SCN2B: variants seen among roughly 807,000 people sequenced by gnomAD.
SCN2B encodes sodium channel regulatory subunit beta-2.
A neutral mutation model predicts 18.2 loss-of-function variants in SCN2B; 14 were observed. That is an observed-to-expected ratio of 0.77 (90% CI 0.51 to 1.21). SCN2B has a LOEUF of 1.21. Among genes scored for constraint, SCN2B ranks in the 50% most tolerant of loss-of-function variants. The pLI, the probability that SCN2B is intolerant of heterozygous loss-of-function variation, is 0.00. For missense variants in SCN2B, 262 were observed against 286.9 expected (o/e 0.91, Z 0.63); for synonymous variants, 115 against 115.3 (o/e 1.00, Z 0.02).
At chr11:118,173,791 T>A (rs1221305682) in intron 1 of SCN2B, among the ~76,000 whole-genome samples, 2 of 152,092 alleles carry the variant, frequency 1.3e-5, no homozygotes, top group Non-Finnish European at 2.9e-5. Flanking sequence ...TGTGGCAGAG[T>A]GGGGACTCAA....
chr11:118,175,853 A>C (rs557769902), intron 1 of SCN2B, among the ~76,000 whole-genome samples: 1 of 152,060 alleles, frequency 6.6e-6, no homozygotes, highest in East Asian at 1.9e-4. Context: ...ACTCCCACAC[A>C]CGTTCCAACA....
chr11:118,176,114 T>C (rs1198205648), intron 1 of SCN2B, among the ~76,000 whole-genome samples: 1 of 152,122 alleles, frequency 6.6e-6, no homozygotes, highest in African/African-American at 2.4e-5. Flanking sequence ...CCAGAGAAGA[T>C]TCACCTCCCT....
At chr11:118,175,539 T>A (rs1440761860) in intron 1 of SCN2B, among the ~76,000 whole-genome samples, 1 of 152,206 alleles carries the variant, frequency 6.6e-6, no homozygotes, top group Non-Finnish European at 1.5e-5. Flanking sequence ...GGAGCAAGAA[T>A]GAAACTCTAC....
rs1948345643 is a variant in SCN2B at position 118,163,123 on chromosome 11, T to C, written c.*3764A>G. On this transcript the variant is annotated 3_prime_UTR_variant, in exon 4 of 4. Transcript: ENST00000278947. ...CACACACACAGTGTAACTTTTGGGG[T>C]GGGTGTGGTGAGATGTTTGATATTT... 1 of 152,432 alleles carries C rather than the reference T, an allele frequency of 6.6e-6. No homozygotes were observed. 9.4% of individuals were successfully genotyped at this position (152,432 alleles called of 1,614,324 possible).
In SCN2B at chr11:118,168,011, G is replaced by A. The variant is rs1223854085; in HGVS notation, c.448+74C>T. 5.4e-6 allele frequency: 7 copies of A among 1,301,168 alleles called. No individual in the cohort carries two copies. In the Admixed American group the frequency reaches 1.2e-4, roughly 21 times the overall value. The allele number at this position is 1,301,168 out of a possible 1,614,324, so 80.6% of individuals were successfully genotyped here. A position where few individuals can be genotyped will look rare whatever the true frequency, so the allele number is the denominator to read the frequency against. On this transcript the variant is annotated intron_variant, in intron 3 of 3. Coordinates refer to ENST00000278947, the MANE Select transcript of SCN2B (RefSeq NM_004588.5). This position sits in a 1 kb window ranked among gnomAD's most constrained non-coding sequence, Gnocchi z 4.7. ...CAGGAGGGCCTGGCCTCCCCAAAGT[G>A]CCCTGAGCAAATGCCGCAGAGAGTA...
chr11:118,167,181 T>C (rs1298197905), intron 3 of SCN2B, 95 bp from the exon 4 acceptor site: 6 of 1,310,312 alleles, frequency 4.6e-6, no homozygotes, highest in Non-Finnish European at 6.3e-6. Context: ...CATCCTGACT[T>C]TACTCTCCTC....
chr11:118,174,091 C>CTTTTGTTTTTTTTT lies in SCN2B; in HGVS notation c.70+2270_70+2271insAAAAAAAAACAAAA, dbSNP rs1555101438. The stretch of plus-strand genomic sequence containing the variant: ...ACCATGCCTGGCTTATTTTTCTTTT[C>CTTTTGTTTTTTTTT]TTTTTTTTTTTTTTTTTTTTTTTTT... On this transcript the variant is annotated intron_variant, in intron 1 of 3. Coordinates refer to ENST00000278947, the MANE Select transcript of SCN2B (RefSeq NM_004588.5). 1.3e-3 allele frequency among the ~76,000 whole-genome samples: 86 copies of CTTTTGTTTTTTTTT among 66,660 alleles called. 11 individuals are homozygous for CTTTTGTTTTTTTTT. Among genetic ancestry groups the CTTTTGTTTTTTTTT allele is most frequent in the East Asian group, 4.5e-3 (9 of 2,020 alleles). The allele number at this position is 66,660 out of a possible 152,430, so 43.7% of individuals were successfully genotyped here. A position where few individuals can be genotyped will look rare whatever the true frequency, so the allele number is the denominator to read the frequency against.
At chr11:118,171,582 G>GC (rs894969604) in intron 1 of SCN2B, among the ~76,000 whole-genome samples, 9 of 152,208 alleles carry the variant, frequency 5.9e-5, no homozygotes, top group Non-Finnish European at 2.9e-5. Context: ...GCGGGCCTCT[G>GC]CCCCCCACCA....
In SCN2B at chr11:118,168,124, G is replaced by C; in HGVS notation, c.409C>G (p.Arg137Gly). 1.2e-6 allele frequency: 2 copies of C among 1,614,114 alleles called. No homozygotes were observed. Among genetic ancestry groups the C allele is most frequent in the Non-Finnish European group, 1.7e-6 (2 of 1,180,018 alleles). ...CYIMNPPDRH[R>G]GHGKIHLQVL... The stretch of plus-strand genomic sequence containing the variant: ...TGCAGATGGATCTTGCCATGGCCAC[G>C]GTGGCGGTCAGGGGGGTTCATGATG... Residue 137 changes from arginine (R) to glycine (G), a missense_variant, in exon 3 of 4, where the codon CGT (arginine) becomes GGT (glycine). Physicochemically the swap from Arg to Gly is moderately radical, Grantham distance 125. Coordinates refer to ENST00000278947, the MANE Select transcript of SCN2B (RefSeq NM_004588.5). This position sits in a 1 kb window ranked among gnomAD's most constrained non-coding sequence, Gnocchi z 4.7.
Position 118,166,483 on chromosome 11 carries a change from G to A in SCN2B, c.*404C>T, listed in dbSNP as rs1441383243. The stretch of plus-strand genomic sequence containing the variant: ...CTCCTGAGGGAGCGCTGTCAGCACA[G>A]GAAAGCCCTCCCTCCCCACCAGGTC... On this transcript the variant is annotated 3_prime_UTR_variant, in exon 4 of 4. Transcript: ENST00000278947. 34 of 308,288 alleles carry A rather than the reference G, an allele frequency of 1.1e-4. No individual in the cohort carries two copies. The highest frequency in any genetic ancestry group is 6.3e-6 in the Non-Finnish European group (1 of 158,162). The allele number at this position is 308,288 out of a possible 1,614,324, so 19.1% of individuals were successfully genotyped here.
At chr11:118,171,695 C>T (rs886544008) in intron 1 of SCN2B, among the ~76,000 whole-genome samples, 1 of 152,224 alleles carries the variant, frequency 6.6e-6, no homozygotes, top group South Asian at 2.1e-4. Flanking sequence ...GCGGGGGCGC[C>T]TTTTCTGGCC....
chr11:118,175,232 G>C (rs935134019), intron 1 of SCN2B, among the ~76,000 whole-genome samples: 3 of 152,196 alleles, frequency 2.0e-5, no homozygotes, highest in Non-Finnish European at 4.4e-5. Flanking sequence ...ACCCGGGAGG[G>C]AACTGAAGCT....
rs754072592 is a variant in SCN2B, at chr11:118,166,794, C to A, written c.*93G>T. The A allele has an allele frequency of 3.3e-6, 5 of 1,525,292 alleles. No homozygotes were observed. The East Asian group carries it at 1.1e-4, about 34-fold the overall frequency. The allele number at this position is 1,525,292 out of a possible 1,614,324, so 94.5% of individuals were successfully genotyped here. On this transcript the variant is annotated 3_prime_UTR_variant, in exon 4 of 4. Coordinates refer to ENST00000278947, the MANE Select transcript of SCN2B (RefSeq NM_004588.5). ...AGGTGGGCCCTGGGGTCCTAGGTCA[C>A]GGGAAGCACACCAAGAGCGAGCAGG... is the stretch of plus-strand genomic sequence containing the variant.
In SCN2B at chr11:118,168,080, T is replaced by C. The variant is rs1948399288; in HGVS notation, c.448+5A>G. 6.2e-7 allele frequency: 1 copy of C among 1,612,902 alleles called. No individual in the cohort carries two copies. Among genetic ancestry groups the C allele is most frequent in the Non-Finnish European group, 8.5e-7 (1 of 1,179,334 alleles). Reference sequence around the variant, plus strand: ...GGGCCCCGCAGCTGGCACCCCAGCCTTCACCTTCCATGAGGACCTGCAGAT... The same window carrying C: ...GGGCCCCGCAGCTGGCACCCCAGCCCTCACCTTCCATGAGGACCTGCAGAT... On this transcript the variant is annotated splice_donor_5th_base_variant and intron_variant, in intron 3 of 3. Coordinates refer to ENST00000278947, the MANE Select transcript of SCN2B (RefSeq NM_004588.5). The surrounding 1 kb of genome is among the most constrained non-coding windows in gnomAD (Gnocchi z 4.7).
At chr11:118,172,517 C>T (rs780501777) in intron 1 of SCN2B, among the ~76,000 whole-genome samples, 3 of 152,032 alleles carry the variant, frequency 2.0e-5, no homozygotes, top group African/African-American at 4.8e-5. Flanking sequence ...CAGGCAGGCC[C>T]GCCAGCAGGG....
At chr11:118,170,167 T>C (rs968856775) in intron 1 of SCN2B, among the ~76,000 whole-genome samples, 1 of 152,268 alleles carries the variant, frequency 6.6e-6, no homozygotes, top group South Asian at 2.1e-4. Context: ...CACTGCATCA[T>C]GAAGCTTATA....
chr11:118,170,913 C>T (rs944232796), intron 1 of SCN2B, among the ~76,000 whole-genome samples: 1 of 152,080 alleles, frequency 6.6e-6, no homozygotes, highest in Non-Finnish European at 1.5e-5. Context: ...CCAACCAGTC[C>T]GTAGGAATTG....
intron 1 of SCN2B, among the ~76,000 whole-genome samples, chr11:118,170,797 T>A (rs2135519374): frequency 6.6e-6 from 1 of 152,266 alleles, no homozygotes; most frequent in African/African-American, 2.4e-5. Flanking sequence ...CAGCAAATGG[T>A]AGCTGCTATT....
Position 118,168,869 on chromosome 11 carries a change from G to A in SCN2B, c.71-118C>T. ...AGAGCAGAGCCACAGGGAGGGGACT[G>A]GGTCCCTGACAGCTCCAGTTAATCA... On this transcript the variant is annotated intron_variant, in intron 1 of 3. Coordinates refer to ENST00000278947, the MANE Select transcript of SCN2B (RefSeq NM_004588.5). The surrounding 1 kb of genome is among the most constrained non-coding windows in gnomAD (Gnocchi z 4.7). 9.0e-7 allele frequency: 1 copy of A among 1,110,742 alleles called. No homozygotes were observed. Among genetic ancestry groups the A allele is most frequent in the Admixed American group, 1.8e-5 (1 of 57,002 alleles). 68.8% of individuals were successfully genotyped at this position (1,110,742 alleles called of 1,614,324 possible).
Sources: allele counts gnomAD v4.1 joint callset (sites outside exome capture counted in the v4.1 genomes callset), GRCh38; gene constraint gnomAD v4.1.1; non-coding constraint Gnocchi (gnomAD v3.1); transcripts MANE v1.5; gene names NCBI Gene and HGNC (gene_info 2026-07-23, HGNC 2026-07-21).